The following ROBO1 variants were observed in gnomAD, a reference collection of about 807,000 sequenced individuals.
ROBO1 encodes roundabout homolog 1.
Under a neutral mutation model 195.9 loss-of-function variants are expected in ROBO1, and 149 were observed. That is an observed-to-expected ratio of 0.76 (90% CI 0.67 to 0.87). The LOEUF is 0.87. Ranked by LOEUF, ROBO1 falls within the 40% of genes least tolerant of loss-of-function variation. The probability of loss-of-function intolerance (pLI) is 0.00; values close to 1 mark genes in which losing one functional copy is unlikely to be tolerated. For missense variants in ROBO1, 1,933 were observed against 2,068.3 expected (o/e 0.93, Z 1.27); for synonymous variants, 816 against 733.2 (o/e 1.11, Z -1.82).
At chr3:79,166,304 AC>A (rs1159527156) in intron 2 of ROBO1, among the ~76,000 whole-genome samples, 2 of 152,160 alleles carry the variant, frequency 1.3e-5, no homozygotes, top group African/African-American at 4.8e-5. Context: ...CTTGCCCTTG[AC>A]TAAATTTTGG....
intron 4 of ROBO1, among the ~76,000 whole-genome samples, chr3:78,900,540 A>G (rs1395645945): frequency 2.0e-5 from 3 of 152,196 alleles, no homozygotes; most frequent in East Asian, 3.8e-4. Flanking sequence ...GTTAACAAAT[A>G]CATTGATGTT....
At chr3:78,948,317 T>C (rs2040572386) in intron 3 of ROBO1, among the ~76,000 whole-genome samples, 1 of 152,140 alleles carries the variant, frequency 6.6e-6, no homozygotes, top group African/African-American at 2.4e-5. Context: ...TTATCCACCA[T>C]GATCAAGTGG....
intron 8 of ROBO1, among the ~76,000 whole-genome samples, chr3:78,701,351 T>C (rs1337800049): frequency 6.6e-6 from 1 of 152,166 alleles, no homozygotes; most frequent in Admixed American, 6.5e-5. Context: ...TATTTTCTTA[T>C]AGAAACAATG....
intron 1 of ROBO1, among the ~76,000 whole-genome samples, chr3:79,706,877 A>G (rs28690977): frequency 0.039 from 5,932 of 152,184 alleles, 153 homozygotes; most frequent in Non-Finnish European, 0.059. Flanking sequence ...GTTGTATAAC[A>G]CTTTTTCTAC....
intron 4 of ROBO1, among the ~76,000 whole-genome samples, chr3:78,862,542 G>T (rs1487072897): frequency 1.3e-5 from 2 of 152,208 alleles, no homozygotes; most frequent in East Asian, 1.9e-4. Context: ...TGCTAAATTT[G>T]TGGCAATTTG....
intron 2 of ROBO1, among the ~76,000 whole-genome samples, chr3:79,484,626 T>C (rs1021451077): frequency 6.6e-6 from 1 of 152,032 alleles, no homozygotes; most frequent in African/African-American, 2.4e-5. Flanking sequence ...TGCTGCTAAT[T>C]TGAAAAGCCA....
chr3:79,015,595 AC>A (rs1287192509), intron 3 of ROBO1, among the ~76,000 whole-genome samples: 3 of 152,030 alleles, frequency 2.0e-5, no homozygotes, highest in African/African-American at 7.2e-5. Flanking sequence ...CCTCTCCTGC[AC>A]CCTCCCACCC....
intron 1 of ROBO1, among the ~76,000 whole-genome samples, chr3:79,616,985 A>C (rs1215037323): frequency 6.6e-6 from 1 of 152,166 alleles, no homozygotes; most frequent in Non-Finnish European, 1.5e-5. Flanking sequence ...GCTGCAGTTC[A>C]AGCATTTTCC....
At chr3:79,145,637 C>T (rs759794142) in intron 2 of ROBO1, among the ~76,000 whole-genome samples, 1 of 151,774 alleles carries the variant, frequency 6.6e-6, no homozygotes, top group South Asian at 2.1e-4. Flanking sequence ...AAATGTTGCC[C>T]GACTGACCTG....
intron 3 of ROBO1, among the ~76,000 whole-genome samples, chr3:78,972,115 A>G (rs2076782338): frequency 6.6e-6 from 1 of 152,190 alleles, no homozygotes; most frequent in African/African-American, 2.4e-5. Flanking sequence ...TTCCTTATAA[A>G]TAGTCATAAC....
intron 3 of ROBO1, among the ~76,000 whole-genome samples, chr3:79,054,607 C>A (rs1358594994): frequency 6.6e-6 from 1 of 152,050 alleles, no homozygotes; most frequent in East Asian, 1.9e-4. Flanking sequence ...TTTCTTGGAG[C>A]CTGCTATAAT....
intron 1 of ROBO1, among the ~76,000 whole-genome samples, chr3:79,712,442 C>G (rs945591332): frequency 3.3e-5 from 5 of 152,150 alleles, no homozygotes; most frequent in Admixed American, 6.6e-5. Context: ...AAGGCTCTAA[C>G]TCTCTCCAAT....
At chr3:79,297,280 G>A (rs934907125) in intron 2 of ROBO1, among the ~76,000 whole-genome samples, 1 of 152,076 alleles carries the variant, frequency 6.6e-6, no homozygotes, top group African/African-American at 2.4e-5. Flanking sequence ...GCTCTTCAAT[G>A]GGTCATTTGT....
chr3:79,634,479 A>G (rs9863667), intron 1 of ROBO1, among the ~76,000 whole-genome samples: 87,693 of 152,038 alleles, frequency 0.58, 25,566 homozygotes, highest in South Asian at 0.67. Flanking sequence ...TCTCATTATC[A>G]TAAGGCTCTT....
chr3:78,954,013 C>G (rs532198002), intron 3 of ROBO1, among the ~76,000 whole-genome samples: 1 of 151,808 alleles, frequency 6.6e-6, no homozygotes, highest in Non-Finnish European at 1.5e-5. Context: ...ATTATTTTCC[C>G]TAGATTTTTA....
chr3:79,395,340 A>AAAAAAAAAAAAAAAAAAAAAG (rs71631648), intron 2 of ROBO1, among the ~76,000 whole-genome samples: 1 of 119,062 alleles, frequency 8.4e-6, no homozygotes, highest in African/African-American at 3.1e-5. Context: ...AAAAAAAAAA[A>AAAAAAAAAAAAAAAAAAAAAG]AAAGAAAGAA....
At chr3:78,892,557 T>C (rs2036968249) in intron 4 of ROBO1, among the ~76,000 whole-genome samples, 1 of 152,120 alleles carries the variant, frequency 6.6e-6, no homozygotes, top group Non-Finnish European at 1.5e-5. Context: ...GCACAGTGAG[T>C]GTTAAGAGTA....
intron 2 of ROBO1, among the ~76,000 whole-genome samples, chr3:79,557,743 A>AATAT (rs1304293113): frequency 1.8e-4 from 24 of 130,818 alleles, no homozygotes; most frequent in South Asian, 7.3e-4. Flanking sequence ...AACAAAAAAA[A>AATAT]ATATATATAT....
At chr3:79,134,166 A>G (rs868770490) in intron 2 of ROBO1, among the ~76,000 whole-genome samples, 49 of 145,188 alleles carry the variant, frequency 3.4e-4, no homozygotes, top group African/African-American at 1.1e-3. Flanking sequence ...TCCGGAATCT[A>G]CAATGAACTC....
Sources: gnomAD v4.1 joint callset for allele counts (sites outside exome capture counted in the v4.1 genomes callset) on GRCh38, gnomAD v4.1.1 for gene constraint, MANE v1.5 for transcripts, NCBI Gene and HGNC (gene_info 2026-07-23, HGNC 2026-07-21) for gene names.